CCNY: variants seen among roughly 807,000 people sequenced by gnomAD.
CCNY encodes cyclin-Y.
A neutral mutation model predicts 42.8 loss-of-function variants in CCNY; 19 were observed. The observed-to-expected ratio is 0.44, with a 90% confidence interval of 0.31 to 0.65. CCNY has a LOEUF of 0.65. Ranked by LOEUF, CCNY falls within the 30% of genes least tolerant of loss-of-function variation. The pLI, the probability that CCNY is intolerant of heterozygous loss-of-function variation, is 0.07. For synonymous variants in CCNY, 165 were observed against 162.7 expected (o/e 1.01, Z -0.11); for missense variants, 370 against 437.3 (o/e 0.85, Z 1.37).
At chr10:35,343,000 CTT>C (rs112760907) in intron 1 of CCNY, among the ~76,000 whole-genome samples, 71 of 128,246 alleles carry the variant, frequency 5.5e-4, no homozygotes, top group Middle Eastern at 4.5e-3. Flanking sequence ...TCCTGCCTGC[CTT>C]TTTTTTTTTT....
chr10:35,440,094 G>A (rs1838632783), intron 1 of CCNY, among the ~76,000 whole-genome samples: 1 of 152,210 alleles, frequency 6.6e-6, no homozygotes. Context: ...CTTTGTTGGT[G>A]TGGATGGGAC....
chr10:35,393,814 G>A (rs1353589626), intron 1 of CCNY, among the ~76,000 whole-genome samples: 1 of 151,578 alleles, frequency 6.6e-6, no homozygotes, highest in East Asian at 1.9e-4. Context: ...TGGGCACGGT[G>A]GCACGCACCT....
intron 1 of CCNY, among the ~76,000 whole-genome samples, chr10:35,464,474 G>A (rs777050796): frequency 2.6e-5 from 4 of 151,682 alleles, no homozygotes; most frequent in Non-Finnish European, 5.9e-5. Context: ...GTAACTCCCT[G>A]GTTCTCTGGG....
intron 3 of CCNY, among the ~76,000 whole-genome samples, chr10:35,267,093 A>C (rs1339780344): frequency 1.3e-5 from 2 of 151,526 alleles, no homozygotes; most frequent in African/African-American, 4.9e-5. Context: ...CAAAAAAAAA[A>C]AAAAAAATGA....
chr10:35,376,021 G>C (rs959903465), intron 1 of CCNY, among the ~76,000 whole-genome samples: 3 of 152,130 alleles, frequency 2.0e-5, no homozygotes, highest in Non-Finnish European at 2.9e-5. Context: ...TCCCTGTACC[G>C]TGCCTTGGAA....
chr10:35,405,782 G>T (rs575124297), intron 1 of CCNY, among the ~76,000 whole-genome samples: 3 of 152,370 alleles, frequency 2.0e-5, no homozygotes, highest in East Asian at 3.9e-4. Context: ...TCAGTCTTCA[G>T]CCACTAAGCC....
intron 1 of CCNY, among the ~76,000 whole-genome samples, chr10:35,356,635 A>G (rs973166158): frequency 2.6e-5 from 4 of 152,136 alleles, no homozygotes; most frequent in Non-Finnish European, 5.9e-5. Context: ...ATACTCTGCT[A>G]TTGTGGGTTT....
At chr10:35,519,610 A>C (rs1169404070) in intron 4 of CCNY, among the ~76,000 whole-genome samples, 1 of 151,320 alleles carries the variant, frequency 6.6e-6, no homozygotes, top group Admixed American at 6.6e-5. Context: ...TGCGGGTTAG[A>C]ATGTAGAGAA....
intron 1 of CCNY, among the ~76,000 whole-genome samples, chr10:35,428,196 A>G (rs1465675296): frequency 6.6e-6 from 1 of 152,120 alleles, no homozygotes; most frequent in Non-Finnish European, 1.5e-5. Flanking sequence ...CTAATGGGAG[A>G]GATGGGCATT....
chr10:35,290,575 C>T (rs993842647), intron 3 of CCNY, among the ~76,000 whole-genome samples: 3 of 152,116 alleles, frequency 2.0e-5, no homozygotes, highest in East Asian at 1.9e-4. Flanking sequence ...ATAAAATTCA[C>T]ATACTATACA....
At chr10:35,459,516 G>T (rs1317143871) in intron 1 of CCNY, among the ~76,000 whole-genome samples, 2 of 152,214 alleles carry the variant, frequency 1.3e-5, no homozygotes, top group African/African-American at 4.8e-5. Flanking sequence ...GACATCCCTT[G>T]TGTAGACTAA....
intron 1 of CCNY, among the ~76,000 whole-genome samples, chr10:35,345,822 T>C (rs1171536878): frequency 6.6e-6 from 1 of 152,180 alleles, no homozygotes; most frequent in Non-Finnish European, 1.5e-5. Flanking sequence ...GGCTGTAGAA[T>C]TTGGAATAGA....
chr10:35,408,518 C>T (rs556145516), intron 1 of CCNY, among the ~76,000 whole-genome samples: 1 of 144,026 alleles, frequency 6.9e-6, no homozygotes, highest in Admixed American at 7.1e-5. Context: ...GGGAGAATTA[C>T]AAAGAACCTT....
At chr10:35,353,739 T>C (rs1836479556) in intron 1 of CCNY, among the ~76,000 whole-genome samples, 2 of 152,226 alleles carry the variant, frequency 1.3e-5, no homozygotes, top group Admixed American at 6.5e-5. Flanking sequence ...CAAGAAGAAA[T>C]TGACCTATCT....
chr10:35,409,084 T>C (rs1005244146), intron 1 of CCNY, among the ~76,000 whole-genome samples: 1 of 152,166 alleles, frequency 6.6e-6, no homozygotes, highest in African/African-American at 2.4e-5. Flanking sequence ...TGAAGTACAT[T>C]AAGGAGGCCT....
intron 1 of CCNY, among the ~76,000 whole-genome samples, chr10:35,459,721 G>A (rs1366361761): frequency 6.6e-6 from 1 of 152,186 alleles, no homozygotes; most frequent in Non-Finnish European, 1.5e-5. Context: ...CCCCTGTAGA[G>A]CATACTCTCA....
chr10:35,554,301 A>T (rs569849672), intron 8 of CCNY, among the ~76,000 whole-genome samples: 10 of 152,216 alleles, frequency 6.6e-5, no homozygotes, highest in African/African-American at 2.4e-4. Context: ...CTGCTTGTTT[A>T]TGTTCTTAGG....
chr10:35,369,836 T>C (rs534845037), intron 1 of CCNY, among the ~76,000 whole-genome samples: 29 of 152,340 alleles, frequency 1.9e-4, no homozygotes, highest in African/African-American at 7.0e-4. Flanking sequence ...GGTGACCAAA[T>C]ACCTTAATAA....
chr10:35,345,104 C>T (rs979594625), intron 1 of CCNY, among the ~76,000 whole-genome samples: 8 of 152,146 alleles, frequency 5.3e-5, no homozygotes, highest in African/African-American at 1.4e-4. Flanking sequence ...AATGGGATGG[C>T]TGGGCGAAAT....
Sources: gnomAD v4.1 joint callset for allele counts (sites outside exome capture counted in the v4.1 genomes callset) on GRCh38, gnomAD v4.1.1 for gene constraint, MANE v1.5 for transcripts, NCBI Gene and HGNC (gene_info 2026-07-23, HGNC 2026-07-21) for gene names.